The following PDHX variants were observed in gnomAD, a reference collection of about 807,000 sequenced individuals.
PDHX encodes pyruvate dehydrogenase protein X component, mitochondrial.
PDHX carries 33 observed loss-of-function variants against 55.3 expected under a neutral mutation model. That is an observed-to-expected ratio of 0.60 (90% CI 0.45 to 0.80). The LOEUF is 0.80. Among genes scored for constraint, PDHX ranks in the 30% least tolerant of loss-of-function variants. The pLI, the probability that PDHX is intolerant of heterozygous loss-of-function variation, is 0.00. For synonymous variants in PDHX, 226 were observed against 219.4 expected (o/e 1.03, Z -0.27); for missense variants, 622 against 619.9 (o/e 1.00, Z -0.04).
chr11:34,967,498 C>T (rs2985151), intron 6 of PDHX, among the ~76,000 whole-genome samples: 88,542 of 151,962 alleles, frequency 0.58, 27,932 homozygotes, highest in East Asian at 0.75. Context: ...TGGATATGTT[C>T]TACTTTTTAA....
intron 1 of PDHX, among the ~76,000 whole-genome samples, chr11:34,917,938 A>G (rs1853775288): frequency 6.6e-6 from 1 of 152,188 alleles, no homozygotes; most frequent in Admixed American, 6.5e-5. Context: ...GCATTTTACA[A>G]ATGTTGGATG....
rs55994937 is a variant in PDHX, at chr11:34,953,177, C to T, written c.343-4207C>T. Among the ~76,000 whole-genome samples, 181 of 152,210 alleles carry T rather than the reference C, an allele frequency of 1.2e-3. 1 individual carries two copies. The highest frequency in any genetic ancestry group is 1.5e-3 in the South Asian group (7 of 4,824). On this transcript the variant is annotated intron_variant, in intron 3 of 10. Coordinates refer to ENST00000227868, the MANE Select transcript of PDHX (RefSeq NM_003477.3). ...TCAAGTAGAACTACAAACCACTGCT[C>T]AATGAAATAAAAGAGGATACAAACA...
intron 10 of PDHX, among the ~76,000 whole-genome samples, chr11:34,994,094 T>G (rs1174138196): frequency 1.3e-5 from 2 of 152,182 alleles, no homozygotes; most frequent in African/African-American, 4.8e-5. Context: ...AAATGCATTG[T>G]TAGGCAGTTT....
intron 3 of PDHX, among the ~76,000 whole-genome samples, chr11:34,950,697 A>G (rs1458533320): frequency 6.6e-6 from 1 of 151,206 alleles, no homozygotes; most frequent in African/African-American, 2.4e-5. Context: ...CCTACAAAGG[A>G]CATGAACTCA....
chr11:34,923,116 C>T (rs909559826), intron 1 of PDHX, among the ~76,000 whole-genome samples: 2 of 152,070 alleles, frequency 1.3e-5, no homozygotes, highest in South Asian at 2.1e-4. Flanking sequence ...TTCTGGCTAA[C>T]CTCTTTTCTA....
At chr11:34,945,205 T>C (rs1854593068) in intron 2 of PDHX, among the ~76,000 whole-genome samples, 1 of 152,206 alleles carries the variant, frequency 6.6e-6, no homozygotes, top group Admixed American at 6.5e-5. Context: ...GTTGTTAGCA[T>C]GCCTTACCAT....
intron 8 of PDHX, among the ~76,000 whole-genome samples, chr11:34,979,688 A>T (rs1855465456): frequency 6.6e-6 from 1 of 152,176 alleles, no homozygotes; most frequent in Non-Finnish European, 1.5e-5. Context: ...ATTGACTATT[A>T]TTGTGATTGA....
upstream of PDHX, chr11:34,916,299 AC>A: frequency 1.9e-6 from 3 of 1,611,156 alleles, no homozygotes; most frequent in African/African-American, 4.0e-5. Flanking sequence ...CAGACCAGGG[AC>A]CCGCGCGGCC....
intron 8 of PDHX, 84 bp downstream of exon 8, chr11:34,978,266 T>G (rs907626717): frequency 1.2e-6 from 1 of 816,272 alleles, no homozygotes; most frequent in Non-Finnish European, 2.1e-6. Flanking sequence ...GAACTCTTAT[T>G]TTTAAATCAC....
At position 34,995,192 on chromosome 11, in the gene PDHX, G is replaced by A; in HGVS notation, c.*20G>A. ...GCCTAGTCCTCAAAGATAAGAAGTT[G>A]GTGTTCAGCTTAGTTGATTCAGTAG... On this transcript the variant is annotated 3_prime_UTR_variant, in exon 11 of 11. Coordinates refer to ENST00000227868, the MANE Select transcript of PDHX (RefSeq NM_003477.3). The A allele has an allele frequency of 6.2e-7, 1 of 1,612,968 alleles. No homozygotes were observed. The highest frequency in any genetic ancestry group is 8.5e-7 in the Non-Finnish European group (1 of 1,179,512).
At chr11:34,950,698 C>G (rs1405776343) in intron 3 of PDHX, among the ~76,000 whole-genome samples, 1 of 151,200 alleles carries the variant, frequency 6.6e-6, no homozygotes, top group Non-Finnish European at 1.5e-5. Context: ...CTACAAAGGA[C>G]ATGAACTCAT....
At chr11:34,943,904 C>A (rs1323062997) in intron 2 of PDHX, among the ~76,000 whole-genome samples, 1 of 152,054 alleles carries the variant, frequency 6.6e-6, no homozygotes, top group Admixed American at 6.5e-5. Context: ...CCCAAAGCAT[C>A]CTGACCTCAC....
upstream of PDHX, chr11:34,916,272 C>A (rs1174008271): frequency 2.5e-6 from 4 of 1,612,506 alleles, no homozygotes; most frequent in Non-Finnish European, 3.4e-6. Context: ...TCCCGAGCAT[C>A]ACAGCCAGAC....
rs1260927909 is a variant in PDHX at position 34,950,992 on chromosome 11, G to A, written c.342+3386G>A. ...GTTGAACTAGTTTACAGTCCCACCA[G>A]CAGTGTAAAAGTATTCCTATTTCTC... On this transcript the variant is annotated intron_variant, in intron 3 of 10. Transcript: ENST00000227868. Among the ~76,000 whole-genome samples the A allele has an allele frequency of 2.7e-3, 407 of 148,780 alleles. 4 individuals carry two copies. Among genetic ancestry groups the A allele is most frequent in the African/African-American group, 9.6e-3 (386 of 40,380 alleles).
chr11:34,944,746 A>G (rs777644137), intron 2 of PDHX, among the ~76,000 whole-genome samples: 2 of 151,968 alleles, frequency 1.3e-5, no homozygotes, highest in Non-Finnish European at 1.5e-5. Context: ...AGGTGTATTT[A>G]TATGTTACAT....
chr11:34,992,373 CT>C lies in PDHX; in HGVS notation c.1245del (p.Phe415LeufsTer17). On this transcript the variant is annotated frameshift_variant, in exon 10 of 11. Coordinates refer to ENST00000227868, the MANE Select transcript of PDHX (RefSeq NM_003477.3). LOFTEE classifies it high-confidence loss of function. ...KLLPEEYQGG[S>X]FSISNLGMFG... is the part of the protein sequence containing the mutation. ...TTGCCTGAAGAATACCAAGGAGGAT[CT>C]TTTAGGTAAAATTTAAACTCTTAAT... The C allele has an allele frequency of 6.4e-7, 1 of 1,568,786 alleles. No homozygotes were observed. Among genetic ancestry groups the C allele is most frequent in the Non-Finnish European group, 8.8e-7 (1 of 1,139,480 alleles).
At chr11:34,936,155 A>G (rs1156856940) in intron 2 of PDHX, among the ~76,000 whole-genome samples, 1 of 152,128 alleles carries the variant, frequency 6.6e-6, no homozygotes, top group Non-Finnish European at 1.5e-5. Context: ...CACTTCTTTG[A>G]GGGAGTCTGG....
chr11:34,931,376 G>T, intron 1 of PDHX, 28 bp from the exon 2 acceptor site: 1 of 1,262,920 alleles, frequency 7.9e-7, no homozygotes, highest in Non-Finnish European at 1.2e-6. Context: ...ATTTGTTGTG[G>T]CTCATCTTTC....
chr11:34,972,879 A>C (rs1855286174), intron 7 of PDHX, among the ~76,000 whole-genome samples: 1 of 151,950 alleles, frequency 6.6e-6, no homozygotes, highest in South Asian at 2.1e-4. Flanking sequence ...ATATGATTTC[A>C]GTTTTCTTAA....
Sources: gnomAD v4.1 joint callset for allele counts (sites outside exome capture counted in the v4.1 genomes callset) on GRCh38, gnomAD v4.1.1 for gene constraint, MANE v1.5 for transcripts, NCBI Gene and HGNC (gene_info 2026-07-23, HGNC 2026-07-21) for gene names.